The following POMK variants were observed in gnomAD, a reference collection of about 807,000 sequenced individuals.
POMK encodes the protein Sugen kinase 196.
In POMK, 19 loss-of-function variants were observed where a neutral mutation model predicts 23.0. The ratio of observed to expected loss-of-function variants is 0.83; its 90% confidence interval spans 0.58 to 1.21. The LOEUF (loss-of-function observed/expected upper bound fraction) is 1.21. Ranked by LOEUF, POMK falls within the 50% of genes most tolerant of loss-of-function variation. The probability of loss-of-function intolerance (pLI) is 0.00; values close to 1 mark genes in which losing one functional copy is unlikely to be tolerated. For missense variants in POMK, 410 were observed against 431.3 expected, an observed-to-expected ratio of 0.95 and a Z score of 0.44; for synonymous variants, 173 against 171.6, an observed-to-expected ratio of 1.01 and a Z score of -0.06.
At chr8:43,100,931 G>A (rs1164762529) in intron 2 of POMK, among the ~76,000 whole-genome samples, 1 of 152,114 alleles carries the variant, frequency 6.6e-6, no homozygotes, top group African/African-American at 2.4e-5. Context: ...TCTAGAGGCT[G>A]CTACTGTGGG....
intron 4 of POMK, among the ~76,000 whole-genome samples, chr8:43,120,629 T>C (rs1167954030): frequency 6.6e-6 from 1 of 152,000 alleles, no homozygotes; most frequent in Non-Finnish European, 1.5e-5. Flanking sequence ...CCTGAGTAGC[T>C]GGGGGTACAT....
chr8:43,120,845 T>G (rs1586680265), intron 4 of POMK, among the ~76,000 whole-genome samples: 2 of 151,750 alleles, frequency 1.3e-5, no homozygotes, highest in Non-Finnish European at 2.9e-5. Context: ...GCCTGGCTAA[T>G]TTTGTATTTT....
At chr8:43,120,271 G>A (rs1811886075) in intron 4 of POMK, among the ~76,000 whole-genome samples, 1 of 151,818 alleles carries the variant, frequency 6.6e-6, no homozygotes, top group Admixed American at 6.6e-5. Flanking sequence ...GAGTGCAATG[G>A]TGTGATCTTG....
intron 1 of POMK, among the ~76,000 whole-genome samples, chr8:43,095,200 C>A (rs1811309467): frequency 6.6e-6 from 1 of 152,154 alleles, no homozygotes; most frequent in Non-Finnish European, 1.5e-5. Context: ...CTTGGCTCTT[C>A]TGTGTATAGT....
chr8:43,103,381 G>A, intron 3 of POMK, 147 bp from the exon 4 acceptor site: 3 of 710,638 alleles, frequency 4.2e-6, no homozygotes, highest in Non-Finnish European at 7.2e-6. Flanking sequence ...TTTGGGATAA[G>A]CCTGGTGTTC....
intron 2 of POMK, among the ~76,000 whole-genome samples, chr8:43,101,134 T>G (rs1375114707): frequency 6.6e-6 from 1 of 151,724 alleles, no homozygotes; most frequent in African/African-American, 2.4e-5. Flanking sequence ...TAAAAATAAA[T>G]TTAAAAGGCC....
At chr8:43,094,004 G>A (rs1325710227) in intron 1 of POMK, among the ~76,000 whole-genome samples, 1 of 152,250 alleles carries the variant, frequency 6.6e-6, no homozygotes, top group African/African-American at 2.4e-5. Context: ...TGAACCCGGC[G>A]GGGGCGGAGG....
intron 4 of POMK, among the ~76,000 whole-genome samples, chr8:43,117,592 A>G (rs1811825616): frequency 6.6e-6 from 1 of 152,228 alleles, no homozygotes; most frequent in African/African-American, 2.4e-5. Flanking sequence ...ATTAATAAGC[A>G]CAAGGCAGAC....
At chr8:43,112,609 T>C (rs1229662598) in intron 4 of POMK, among the ~76,000 whole-genome samples, 1 of 151,982 alleles carries the variant, frequency 6.6e-6, no homozygotes, top group Non-Finnish European at 1.5e-5. Flanking sequence ...AGACACATAA[T>C]TGTCAGATTC....
rs114034774 is a variant in POMK, at chr8:43,107,993, T to A, written c.282+4163T>A. On this transcript the variant is annotated intron_variant, in intron 4 of 4. Coordinates refer to ENST00000331373, the MANE Select transcript of POMK (RefSeq NM_032237.5). The stretch of plus-strand genomic sequence containing the variant: ...CCTCTGCGCCTGGCTAGAATAATTA[T>A]TTTTTACATAGGCTTTTTAAATTGC... Among the ~76,000 whole-genome samples the A allele has an allele frequency of 4.5e-3, 683 of 152,354 alleles. 9 individuals carry two copies. Among genetic ancestry groups the A allele is most frequent in the African/African-American group, 0.016 (652 of 41,588 alleles).
At position 43,100,600 on chromosome 8, in the gene POMK, G is replaced by A. The variant is rs142251441; in HGVS notation, c.-117-1905G>A. Among the ~76,000 whole-genome samples, 39 of 152,008 alleles carry A rather than the reference G, an allele frequency of 2.6e-4. No homozygotes were observed. The East Asian group carries it at 7.2e-3, about 28-fold the overall frequency. On this transcript the variant is annotated intron_variant, in intron 2 of 4. Transcript: ENST00000331373. The stretch of plus-strand genomic sequence containing the variant: ...TGAAGGACTCAAGTGCTGGGTGTGC[G>A]CTTGTGGGGGTTGTGCCGTGGTGGG...
chr8:43,114,570 G>A (rs991190285), intron 4 of POMK, among the ~76,000 whole-genome samples: 48 of 152,362 alleles, frequency 3.2e-4, no homozygotes, highest in African/African-American at 1.1e-3. Context: ...TCCTGAGTGA[G>A]GCACTGCCTC....
intron 4 of POMK, among the ~76,000 whole-genome samples, chr8:43,116,891 G>A (rs61093151): frequency 0.032 from 4,929 of 152,242 alleles, 285 homozygotes; most frequent in African/African-American, 0.11. Context: ...GGCTGAGTCC[G>A]AAAAGAGAGT....
chr8:43,118,838 C>G (rs1167952621), intron 4 of POMK, among the ~76,000 whole-genome samples: 1 of 152,174 alleles, frequency 6.6e-6, no homozygotes, highest in Non-Finnish European at 1.5e-5. Context: ...GAGTCTCGCT[C>G]TGTTGCCCAG....
intron 2 of POMK, among the ~76,000 whole-genome samples, chr8:43,099,763 T>A (rs1215727307): frequency 6.6e-6 from 1 of 152,130 alleles, no homozygotes; most frequent in East Asian, 1.9e-4. Flanking sequence ...GGTAACACAC[T>A]GTTTGTAGTA....
At position 43,109,488 on chromosome 8, in the gene POMK, A is replaced by G. The variant is rs143782906; in HGVS notation, c.282+5658A>G. On this transcript the variant is annotated intron_variant, in intron 4 of 4. Coordinates refer to ENST00000331373, the MANE Select transcript of POMK (RefSeq NM_032237.5). Reference sequence around the variant, plus strand: ...TAACGTTAAAGCCAGTTTTAATTACATCTTATAAATCTGTCTAGTTCTAAT... The same window carrying G: ...TAACGTTAAAGCCAGTTTTAATTACGTCTTATAAATCTGTCTAGTTCTAAT... 7.9e-3 allele frequency among the ~76,000 whole-genome samples: 1,200 copies of G among 152,300 alleles called. 17 individuals are homozygous for G. The highest frequency in any genetic ancestry group is 0.027 in the African/African-American group (1,135 of 41,566).
At chr8:43,114,550 C>G (rs1004266671) in intron 4 of POMK, among the ~76,000 whole-genome samples, 2 of 152,206 alleles carry the variant, frequency 1.3e-5, no homozygotes, top group African/African-American at 2.4e-5. Context: ...ATGCCCTGAC[C>G]CCTTGCGCTT....
intron 4 of POMK, among the ~76,000 whole-genome samples, chr8:43,116,761 T>C (rs1811806965): frequency 6.6e-6 from 1 of 152,234 alleles, no homozygotes; most frequent in African/African-American, 2.4e-5. Context: ...AACTGTACTT[T>C]ATATAAGTAT....
At chr8:43,098,836 G>A (rs774108752) in intron 2 of POMK, among the ~76,000 whole-genome samples, 3 of 152,160 alleles carry the variant, frequency 2.0e-5, no homozygotes, top group South Asian at 2.1e-4. Flanking sequence ...TCTGATCTGC[G>A]TTTGCCTTGA....
Sources: allele counts gnomAD v4.1 joint callset (sites outside exome capture counted in the v4.1 genomes callset), GRCh38; gene constraint gnomAD v4.1.1; transcripts MANE v1.5; gene names NCBI Gene and HGNC (gene_info 2026-07-23, HGNC 2026-07-21).